Variants in MGAT4C observed in about 807,000 individuals in gnomAD.
MGAT4C encodes MGAT4 family member C, also known as alpha-1,3-mannosyl-glycoprotein 4-beta-N-acetylglucosaminyltransferase C.
A neutral mutation model predicts 40.1 loss-of-function variants in MGAT4C; 19 were observed. The ratio of observed to expected loss-of-function variants is 0.47; its 90% CI spans 0.33 to 0.70. The LOEUF is 0.70. Ranked by LOEUF, MGAT4C falls within the 30% of genes least tolerant of loss-of-function variation. MGAT4C has a pLI of 0.02. For missense variants in MGAT4C, 491 were observed against 563.2 expected, an observed-to-expected ratio of 0.87 and a Z score of 1.30; for synonymous variants, 181 against 187.1, an observed-to-expected ratio of 0.97 and a Z score of 0.27.
At chr12:86,518,911 T>TA (rs1329302120) in intron 2 of MGAT4C, among the ~76,000 whole-genome samples, 3 of 152,124 alleles carry the variant, frequency 2.0e-5, no homozygotes, top group Admixed American at 2.0e-4. Context: ...ATCAATAAAA[T>TA]AGTGTGCCAC....
chr12:86,764,215 C>T (rs536327865), intron 1 of MGAT4C, among the ~76,000 whole-genome samples: 112 of 152,264 alleles, frequency 7.4e-4, no homozygotes, highest in African/African-American at 1.2e-3. Context: ...GATTATATCC[C>T]GCACCTGGCT....
At chr12:86,214,792 C>T (rs1211579420) in intron 1 of MGAT4C, among the ~76,000 whole-genome samples, 1 of 152,152 alleles carries the variant, frequency 6.6e-6, no homozygotes, top group East Asian at 1.9e-4. Context: ...AATATTTAGT[C>T]CATGTAAGTC....
In MGAT4C at chr12:86,724,173, AATTC is replaced by A. The variant is rs954684196; in HGVS notation, c.-229+3032_-229+3035del. Among the ~76,000 whole-genome samples, 14 of 152,250 alleles carry A rather than the reference AATTC, an allele frequency of 9.2e-5. 1 individual carries two copies. The highest frequency in any genetic ancestry group is 2.6e-4 in the African/African-American group (11 of 41,560). On this transcript the variant is annotated intron_variant, in intron 2 of 7. Transcript: ENST00000548651. Reference sequence around the variant, plus strand: ...ATGAAATGTTGCCTTTATGATTTAAAATTCATTATTAATTATGGTTCAAAATAGT... The same window carrying A: ...ATGAAATGTTGCCTTTATGATTTAAAATTATTAATTATGGTTCAAAATAGT...
At chr12:86,022,700 C>A (rs1212281137) in intron 2 of MGAT4C, among the ~76,000 whole-genome samples, 2 of 152,080 alleles carry the variant, frequency 1.3e-5, no homozygotes, top group East Asian at 1.9e-4. Context: ...CAGAGTGAGA[C>A]CCTGTCTCTA....
chr12:86,127,818 G>A (rs1880526592), intron 1 of MGAT4C, among the ~76,000 whole-genome samples: 1 of 152,140 alleles, frequency 6.6e-6, no homozygotes, highest in South Asian at 2.1e-4. Flanking sequence ...TCCCCTGGAA[G>A]GTCTTTGGGG....
intron 2 of MGAT4C, among the ~76,000 whole-genome samples, chr12:86,594,395 A>C (rs1220847061): frequency 1.3e-5 from 2 of 152,164 alleles, no homozygotes; most frequent in Non-Finnish European, 2.9e-5. Flanking sequence ...AGGGCCATTG[A>C]CTTGAAATGG....
chr12:86,778,767 A>G (rs1287249390), intron 1 of MGAT4C, among the ~76,000 whole-genome samples: 2 of 152,168 alleles, frequency 1.3e-5, no homozygotes, highest in Non-Finnish European at 2.9e-5. Context: ...TATTACTTAC[A>G]GAGACTTACA....
intron 1 of MGAT4C, among the ~76,000 whole-genome samples, chr12:86,177,343 GTGTTTTCAC>G (rs1887563410): frequency 6.6e-6 from 1 of 152,104 alleles, no homozygotes; most frequent in Admixed American, 6.5e-5. Flanking sequence ...GATGTATGAT[GTGTTTTCAC>G]TATCTTTAAC....
chr12:86,361,845 G>T (rs1955481611), intron 3 of MGAT4C, among the ~76,000 whole-genome samples: 1 of 152,220 alleles, frequency 6.6e-6, no homozygotes, highest in Non-Finnish European at 1.5e-5. Flanking sequence ...AACAGGTGCT[G>T]GAGAAAATGT....
chr12:86,313,135 C>T (rs1408268202), intron 4 of MGAT4C, among the ~76,000 whole-genome samples: 2 of 152,024 alleles, frequency 1.3e-5, no homozygotes, highest in African/African-American at 2.4e-5. Context: ...ATTTATTATA[C>T]AAAAAGACAG....
intron 1 of MGAT4C, among the ~76,000 whole-genome samples, chr12:86,746,460 C>A (rs1354722608): frequency 6.6e-6 from 1 of 151,460 alleles, no homozygotes; most frequent in East Asian, 2.0e-4. Context: ...GTAATGAAAT[C>A]CTCACACTCA....
At chr12:86,736,965 C>T (rs1950995557) in intron 1 of MGAT4C, among the ~76,000 whole-genome samples, 1 of 150,734 alleles carries the variant, frequency 6.6e-6, no homozygotes, top group Non-Finnish European at 1.5e-5. Flanking sequence ...ATCAAATTTT[C>T]CCATCAACTG....
chr12:86,760,271 A>G (rs1488652666), intron 1 of MGAT4C, among the ~76,000 whole-genome samples: 1 of 152,146 alleles, frequency 6.6e-6, no homozygotes, highest in Admixed American at 6.5e-5. Context: ...AAAATAACTC[A>G]GAATGGATTA....
At chr12:86,020,939 A>G (rs947505842) in intron 2 of MGAT4C, among the ~76,000 whole-genome samples, 1 of 152,230 alleles carries the variant, frequency 6.6e-6, no homozygotes, top group African/African-American at 2.4e-5. Context: ...ATATGAACAG[A>G]CACTTCTCAA....
At chr12:86,055,380 T>G (rs1377960169) in intron 1 of MGAT4C, among the ~76,000 whole-genome samples, 4 of 151,996 alleles carry the variant, frequency 2.6e-5, no homozygotes, top group African/African-American at 9.7e-5. Flanking sequence ...ATTAAGTGAC[T>G]AGAGAATATA....
At chr12:86,779,225 A>G (rs969570318) in intron 1 of MGAT4C, among the ~76,000 whole-genome samples, 2 of 152,124 alleles carry the variant, frequency 1.3e-5, no homozygotes, top group Non-Finnish European at 2.9e-5. Flanking sequence ...AAGGCAGAGT[A>G]AAAAATTATA....
At chr12:86,165,226 A>C (rs1383394657) in intron 1 of MGAT4C, among the ~76,000 whole-genome samples, 1 of 152,136 alleles carries the variant, frequency 6.6e-6, no homozygotes, top group Non-Finnish European at 1.5e-5. Flanking sequence ...AACTAAATAC[A>C]TATATAAAAT....
At chr12:86,072,675 A>C (rs1271749584) in intron 1 of MGAT4C, among the ~76,000 whole-genome samples, 1 of 152,270 alleles carries the variant, frequency 6.6e-6, no homozygotes, top group East Asian at 1.9e-4. Flanking sequence ...AGCGAAACAG[A>C]GTGGAGGAGG....
intron 1 of MGAT4C, among the ~76,000 whole-genome samples, chr12:86,761,188 A>T (rs1223188477): frequency 6.6e-6 from 1 of 152,188 alleles, no homozygotes; most frequent in Non-Finnish European, 1.5e-5. Context: ...CTTAGTAAAA[A>T]AAATGAAATA....
Sources: allele counts gnomAD v4.1 joint callset (sites outside exome capture counted in the v4.1 genomes callset), GRCh38; gene constraint gnomAD v4.1.1; transcripts MANE v1.5; gene names NCBI Gene and HGNC (gene_info 2026-07-23, HGNC 2026-07-21).